The following FKTN variants were observed in gnomAD, a reference collection of about 807,000 sequenced individuals.
FKTN encodes the protein fukutin, also known as ribitol-5-phosphate transferase FKTN.
FKTN carries 47 observed loss-of-function variants against 58.6 expected under a neutral mutation model. The ratio of observed to expected loss-of-function variants is 0.80; its 90% CI spans 0.63 to 1.02. The LOEUF (loss-of-function observed/expected upper bound fraction) is 1.02. Among genes scored for constraint, FKTN ranks in the 50% least tolerant of loss-of-function variants. FKTN has a pLI of 0.00. For missense variants in FKTN, 516 were observed against 537.3 expected, an observed-to-expected ratio of 0.96 and a Z score of 0.39; for synonymous variants, 178 against 191.9, an observed-to-expected ratio of 0.93 and a Z score of 0.60.
rs989076875 is a variant in FKTN, at chr9:105,639,460, T to G, written c.*4196T>G. On this transcript the variant is annotated 3_prime_UTR_variant, in exon 11 of 11. Transcript: ENST00000357998. The stretch of plus-strand genomic sequence containing the variant: ...GGGAAATGATACATACTTCTAAGGG[T>G]TTTTAGGGGGATTAAATGAAGTATA... 5.3e-5 allele frequency: 34 copies of G among 641,742 alleles called. No individual in the cohort carries two copies. Among genetic ancestry groups the G allele is most frequent in the Non-Finnish European group, 6.2e-5 (32 of 516,646 alleles). 39.8% of individuals were successfully genotyped at this position (641,742 alleles called of 1,614,324 possible).
intron 1 of FKTN, among the ~76,000 whole-genome samples, chr9:105,567,630 C>G (rs373141846): frequency 6.6e-6 from 1 of 151,948 alleles, no homozygotes; most frequent in Admixed American, 6.6e-5. Flanking sequence ...CACTGCTCAA[C>G]GAAATAAAAG....
intron 6 of FKTN, among the ~76,000 whole-genome samples, chr9:105,604,997 T>C (rs1828625019): frequency 6.6e-6 from 1 of 151,472 alleles, no homozygotes; most frequent in African/African-American, 2.4e-5. Context: ...TAATTTTTGA[T>C]ATATGTGTTC....
intron 8 of FKTN, among the ~76,000 whole-genome samples, chr9:105,616,772 T>C (rs957959506): frequency 5.9e-5 from 9 of 152,166 alleles, no homozygotes; most frequent in Non-Finnish European, 1.3e-4. Context: ...TTAATAATTA[T>C]GTTGGTACAA....
At chr9:105,563,010 A>G (rs1382674228) in intron 1 of FKTN, among the ~76,000 whole-genome samples, 1 of 152,102 alleles carries the variant, frequency 6.6e-6, no homozygotes, top group Non-Finnish European at 1.5e-5. Flanking sequence ...TCATTCATTC[A>G]TTCATTCATT....
intron 3 of FKTN, among the ~76,000 whole-genome samples, chr9:105,584,312 A>G (rs916344767): frequency 6.6e-6 from 1 of 152,194 alleles, no homozygotes; most frequent in Admixed American, 6.5e-5. Flanking sequence ...TCCATACCAT[A>G]CAAACTGCCT....
intron 10 of FKTN, chr9:105,624,148 AGT>A (rs1410319135): frequency 6.6e-6 from 1 of 152,220 alleles, no homozygotes; most frequent in Non-Finnish European, 1.5e-5. Context: ...AATTTTATAC[AGT>A]CACCAACATA....
intron 7 of FKTN, among the ~76,000 whole-genome samples, chr9:105,612,752 C>G (rs1436018264): frequency 1.3e-5 from 2 of 152,126 alleles, no homozygotes; most frequent in East Asian, 3.9e-4. Context: ...ATTGCCTGAG[C>G]TCAGGAGTTT....
chr9:105,639,488 G>C lies in FKTN; in HGVS notation c.*4224G>C. 9 of 725,280 alleles carry C rather than the reference G, an allele frequency of 1.2e-5. No individual in the cohort carries two copies. The highest frequency in any genetic ancestry group is 1.5e-5 in the Non-Finnish European group (9 of 592,776). The allele number at this position is 725,280 out of a possible 1,614,324, so 44.9% of individuals were successfully genotyped here. A position where few individuals can be genotyped will look rare whatever the true frequency, so the allele number is the denominator to read the frequency against. ...TTAGGGGGATTAAATGAAGTATACA[G>C]TTCTTAGCCTCAGGCCTAGGATTAA... On this transcript the variant is annotated 3_prime_UTR_variant, in exon 11 of 11. Coordinates refer to ENST00000357998, the MANE Select transcript of FKTN (RefSeq NM_001079802.2).
intron 9 of FKTN, 130 bp from the exon 10 acceptor site, chr9:105,619,804 C>T: frequency 1.3e-6 from 1 of 763,916 alleles, no homozygotes; most frequent in Admixed American, 2.8e-5. Context: ...AAAAAATGTG[C>T]ATCTTAGAAT....
Position 105,635,695 on chromosome 9 carries a change from T to A in FKTN, c.*431T>A. 2 of 1,054,448 alleles carry A rather than the reference T, an allele frequency of 1.9e-6. No individual in the cohort carries two copies. Among genetic ancestry groups the A allele is most frequent in the Non-Finnish European group, 2.3e-6 (2 of 872,554 alleles). 65.3% of individuals were successfully genotyped at this position (1,054,448 alleles called of 1,614,324 possible). The stretch of plus-strand genomic sequence containing the variant: ...AATAACCCACTCCTCTTCTGGGCAT[T>A]TAAGCTGGTATGTTAGTGCTACTTT... On this transcript the variant is annotated 3_prime_UTR_variant, in exon 11 of 11. Transcript: ENST00000357998.
chr9:105,564,515 A>G (rs1838986865), intron 1 of FKTN, among the ~76,000 whole-genome samples: 1 of 152,362 alleles, frequency 6.6e-6, no homozygotes, highest in African/African-American at 2.4e-5. Flanking sequence ...AAGCTTCAGT[A>G]GCCGATTTGA....
intron 1 of FKTN, among the ~76,000 whole-genome samples, chr9:105,563,597 C>CCG (rs1564184576): frequency 8.3e-6 from 1 of 120,258 alleles, no homozygotes; most frequent in African/African-American, 3.4e-5. Flanking sequence ...GGCAGCGAGG[C>CCG]TGGGGGGGGG....
rs758196050 is a variant in FKTN at position 105,635,193 on chromosome 9, T to C, written c.1315T>C (p.Ser439Pro). 6.2e-7 allele frequency: 1 copy of C among 1,614,146 alleles called. No homozygotes were observed. Among genetic ancestry groups the C allele is most frequent in the South Asian group, 1.1e-5 (1 of 91,086 alleles). The change falls in exon 11 of 11, where the codon TCT becomes CCT. Residue 439 changes from serine (S) to proline (P), a missense_variant. Transcript: ENST00000357998. ...IPVKTWDWKR[S>P]PPNVQPNGIW... ...TGTAAAGACGTGGGACTGGAAGCGC[T>C]CTCCTCCCAATGTGCAACCCAATGG...
intron 10 of FKTN, among the ~76,000 whole-genome samples, chr9:105,632,407 T>G (rs1247907007): frequency 1.5e-5 from 2 of 131,056 alleles, no homozygotes; most frequent in African/African-American, 5.8e-5. Context: ...ACCCTAAAAC[T>G]TAAAAGTATA....
rs555754136 is a variant in FKTN at position 105,574,940 on chromosome 9, C to T, written c.-88-5C>T. ...TTTCTTTAAAAATATCTTTTTTGTT[C>T]ACAGAAAACAAAATTATCTTCCTTT... On this transcript the variant is annotated splice_region_variant and splice_polypyrimidine_tract_variant and intron_variant, in intron 2 of 10. Coordinates refer to ENST00000357998, the MANE Select transcript of FKTN (RefSeq NM_001079802.2). 1.1e-4 allele frequency: 86 copies of T among 775,586 alleles called. No individual in the cohort carries two copies. Among genetic ancestry groups the T allele is most frequent in the Middle Eastern group, 6.9e-4 (3 of 4,368 alleles). The allele number at this position is 775,586 out of a possible 1,614,324, so 48.0% of individuals were successfully genotyped here.
chr9:105,561,097 A>G (rs956063423), intron 1 of FKTN, among the ~76,000 whole-genome samples: 4 of 150,284 alleles, frequency 2.7e-5, no homozygotes, highest in African/African-American at 7.3e-5. Flanking sequence ...AAAACAAAAA[A>G]AAAAACAAAA....
intron 1 of FKTN, among the ~76,000 whole-genome samples, chr9:105,559,937 CAAGG>C (rs1837978353): frequency 6.6e-6 from 1 of 151,858 alleles, no homozygotes. Flanking sequence ...GAGCTAAGAG[CAAGG>C]AAGGAGTTCT....
chr9:105,609,853 A>G (rs751689801), intron 7 of FKTN, among the ~76,000 whole-genome samples: 6 of 152,212 alleles, frequency 3.9e-5, no homozygotes, highest in Admixed American at 2.0e-4. Context: ...GAAACTTCGT[A>G]TCTTTACCAC....
At chr9:105,611,505 C>G (rs1829901943) in intron 7 of FKTN, among the ~76,000 whole-genome samples, 1 of 152,038 alleles carries the variant, frequency 6.6e-6, no homozygotes, top group African/African-American at 2.4e-5. Context: ...TCTTTCTCCT[C>G]CCACCCTCCA....
Sources: gnomAD v4.1 joint callset for allele counts (sites outside exome capture counted in the v4.1 genomes callset) on GRCh38, gnomAD v4.1.1 for gene constraint, MANE v1.5 for transcripts, NCBI Gene and HGNC (gene_info 2026-07-23, HGNC 2026-07-21) for gene names.